The following PCDHA11 variants were observed in gnomAD, a reference collection of about 807,000 sequenced individuals.
PCDHA11 encodes protocadherin alpha 11.
Under a neutral mutation model 70.3 loss-of-function variants are expected in PCDHA11, and 61 were observed. The observed-to-expected ratio is 0.87, with a 90% CI of 0.71 to 1.07. The LOEUF is 1.07. PCDHA11 is among the 50% of genes least tolerant of loss of function. PCDHA11 has a pLI of 0.00. For synonymous variants in PCDHA11, 633 were observed against 555.1 expected, an observed-to-expected ratio of 1.14 and a Z score of -1.97; for missense variants, 1,324 against 1,237.5, an observed-to-expected ratio of 1.07 and a Z score of -1.05.
At position 140,870,724 on chromosome 5, in the gene PCDHA11, G is replaced by T. The variant is rs140203389; in HGVS notation, c.1621G>T (p.Val541Leu). 8.1e-4 allele frequency: 1,312 copies of T among 1,613,160 alleles called. 10 individuals carry two copies. In the African/African-American group the frequency reaches 0.014, roughly 18 times the overall value. Residue 541 changes from valine (V) to leucine (L), a missense_variant, in exon 1 of 4, where the codon GTG becomes TTG. Coordinates refer to ENST00000398640, the MANE Select transcript of PCDHA11 (RefSeq NM_018902.5). ...QFQVSARDAG[V>L]PPLSSNVTLQ... ...CCAGGTGAGCGCGCGCGATGCGGGC[G>T]TGCCGCCTCTGAGCAGCAACGTGAC...
chr5:140,989,197 C>T (rs2097332742), intron 3 of PCDHA11, among the ~76,000 whole-genome samples: 1 of 152,206 alleles, frequency 6.6e-6, no homozygotes, highest in Admixed American at 6.5e-5. Context: ...ACCCTCCCTT[C>T]TAGCTTTCTT....
chr5:140,966,575 A>C (rs2096022921), intron 1 of PCDHA11: 1 of 520,380 alleles, frequency 1.9e-6, no homozygotes, highest in Non-Finnish European at 3.2e-6. Context: ...ATGGGGAGTC[A>C]GCGAGGACGG....
At chr5:140,948,784 T>C (rs1486580473) in intron 1 of PCDHA11, among the ~76,000 whole-genome samples, 6 of 151,646 alleles carry the variant, frequency 4.0e-5, no homozygotes, top group African/African-American at 1.4e-4. Flanking sequence ...CTTTTGGCTT[T>C]GTTGATATAT....
At chr5:140,946,474 A>G (rs2093947876) in intron 1 of PCDHA11, among the ~76,000 whole-genome samples, 1 of 151,798 alleles carries the variant, frequency 6.6e-6, no homozygotes, top group Non-Finnish European at 1.5e-5. Context: ...ACTACTGGGT[A>G]TATATCCAAA....
At position 140,877,565 on chromosome 5, in the gene PCDHA11, T is replaced by C; in HGVS notation, c.2391+6071T>C. On this transcript the variant is annotated intron_variant, in intron 1 of 3. Coordinates refer to ENST00000398640, the MANE Select transcript of PCDHA11 (RefSeq NM_018902.5). ...GAAGCGGCTCTGGTGGATATTAACG[T>C]GTACCTCATCATCGCCATCTGTGCG... 1 of 1,613,742 alleles carries C rather than the reference T, an allele frequency of 6.2e-7. No homozygotes were observed. The highest frequency in any genetic ancestry group is 1.7e-5 in the Admixed American group (1 of 60,024).
intron 1 of PCDHA11, chr5:140,966,570 G>A: frequency 2.0e-6 from 1 of 501,774 alleles, no homozygotes; most frequent in Non-Finnish European, 3.3e-6. Context: ...GGAATATGGG[G>A]AGTCAGCGAG....
chr5:140,999,801 G>T (rs1271249129), intron 3 of PCDHA11, among the ~76,000 whole-genome samples: 1 of 152,112 alleles, frequency 6.6e-6, no homozygotes, highest in Admixed American at 6.5e-5. Flanking sequence ...GTTATTTTGG[G>T]CACAAAGCAA....
chr5:140,886,558 T>G (rs535461538), intron 1 of PCDHA11, among the ~76,000 whole-genome samples: 1 of 152,202 alleles, frequency 6.6e-6, no homozygotes, highest in South Asian at 2.1e-4. Flanking sequence ...CTGGGCACGG[T>G]GGCTCACGCC....
intron 3 of PCDHA11, among the ~76,000 whole-genome samples, chr5:140,985,169 C>G (rs1169892350): frequency 6.6e-6 from 1 of 152,122 alleles, no homozygotes; most frequent in Non-Finnish European, 1.5e-5. Flanking sequence ...AATCTCCTGA[C>G]CTCGTAATCC....
chr5:140,982,089 C>A (rs2096965506), intron 2 of PCDHA11, among the ~76,000 whole-genome samples: 1 of 152,220 alleles, frequency 6.6e-6, no homozygotes, highest in Non-Finnish European at 1.5e-5. Context: ...AACCTAGGAA[C>A]AAGAGAACCT....
At chr5:140,916,760 G>A (rs1387005871) in intron 1 of PCDHA11, among the ~76,000 whole-genome samples, 1 of 152,180 alleles carries the variant, frequency 6.6e-6, no homozygotes, top group Non-Finnish European at 1.5e-5. Context: ...ATTAGGGGAG[G>A]GGTGGCACAA....
At chr5:140,948,665 A>T (rs2094288381) in intron 1 of PCDHA11, among the ~76,000 whole-genome samples, 1 of 151,668 alleles carries the variant, frequency 6.6e-6, no homozygotes. Flanking sequence ...ATCTGTAGTG[A>T]TAACATCTTT....
chr5:140,960,919 A>G (rs542740686), intron 1 of PCDHA11, among the ~76,000 whole-genome samples: 1 of 152,334 alleles, frequency 6.6e-6, no homozygotes, highest in Non-Finnish European at 1.5e-5. Flanking sequence ...CAGATAGAAA[A>G]TTGGTACTAA....
In PCDHA11 at chr5:140,998,188, AG is replaced by A. The variant is rs375338994; in HGVS notation, c.2540-11438del. On this transcript the variant is annotated intron_variant, in intron 3 of 3. Transcript: ENST00000398640. ...CAAGTATTATTCTAAGCACTTTACAAGTATTAACTCCTTTAATCTGTATAAC... is the reference window on the plus strand; with the variant it reads ...CAAGTATTATTCTAAGCACTTTACAATATTAACTCCTTTAATCTGTATAAC... Among the ~76,000 whole-genome samples, 972 of 152,318 alleles carry A rather than the reference AG, an allele frequency of 6.4e-3. 14 individuals are homozygous for A. Among genetic ancestry groups the A allele is most frequent in the African/African-American group, 0.023 (946 of 41,556 alleles).
intron 1 of PCDHA11, among the ~76,000 whole-genome samples, chr5:140,911,760 A>G (rs1295639313): frequency 6.6e-6 from 1 of 151,962 alleles, no homozygotes; most frequent in African/African-American, 2.4e-5. Flanking sequence ...TCTCCATACT[A>G]TTAGAAGTAC....
At position 140,884,402 on chromosome 5, in the gene PCDHA11, G is replaced by T. The variant is rs782512270; in HGVS notation, c.2391+12908G>T. 2.6e-5 allele frequency: 42 copies of T among 1,613,886 alleles called. 1 individual carries two copies. The Middle Eastern group carries it at 1.3e-3, about 51-fold the overall frequency. The stretch of plus-strand genomic sequence containing the variant: ...CATCTGCGCGGTGTCCAGCCTGTTG[G>T]TGCTCACGTTGCTGCTGTATACTGC... On this transcript the variant is annotated intron_variant, in intron 1 of 3. Coordinates refer to ENST00000398640, the MANE Select transcript of PCDHA11 (RefSeq NM_018902.5).
Position 140,870,475 on chromosome 5 carries a change from G to T in PCDHA11, c.1372G>T (p.Glu458Ter). 1.2e-6 allele frequency: 2 copies of T among 1,614,214 alleles called. No homozygotes were observed. Among genetic ancestry groups the T allele is most frequent in the Non-Finnish European group, 1.7e-6 (2 of 1,180,050 alleles). ...CAATGCGCCTGCGTTCGCACAGCCCGAGTACACCGTGTTCGTGAAGGAGAA... is the reference window on the plus strand; with the variant it reads ...CAATGCGCCTGCGTTCGCACAGCCCTAGTACACCGTGTTCGTGAAGGAGAA... The part of the protein sequence containing the change: ...NDNAPAFAQP[E>*]YTVFVKENNP... Residue 458 changes from glutamate to a stop codon, truncating the protein, a stop_gained, in exon 1 of 4, where the codon GAG becomes TAG. Coordinates refer to ENST00000398640, the MANE Select transcript of PCDHA11 (RefSeq NM_018902.5). LOFTEE classifies it high-confidence loss of function.
rs542968986 is a variant in PCDHA11, at chr5:141,005,917, A to T, written c.2540-3710A>T. On this transcript the variant is annotated intron_variant, in intron 3 of 3. Transcript: ENST00000398640. ...AGCAATGATTGCACCACTGCACTTCAGCCTGGTTGACAGAGTGAGAACCTA... is the reference window on the plus strand; with the variant it reads ...AGCAATGATTGCACCACTGCACTTCTGCCTGGTTGACAGAGTGAGAACCTA... Among the ~76,000 whole-genome samples the T allele has an allele frequency of 4.5e-4, 69 of 152,156 alleles. No homozygotes were observed. In the South Asian group the frequency reaches 0.013, roughly 28 times the overall value.
intron 1 of PCDHA11, among the ~76,000 whole-genome samples, chr5:140,950,807 A>G (rs2094520743): frequency 6.6e-6 from 1 of 152,104 alleles, no homozygotes; most frequent in African/African-American, 2.4e-5. Context: ...TGGTTTTACC[A>G]TAGTAGGGTT....
Sources: allele counts gnomAD v4.1 joint callset (sites outside exome capture counted in the v4.1 genomes callset), GRCh38; gene constraint gnomAD v4.1.1; transcripts MANE v1.5; gene names NCBI Gene and HGNC (gene_info 2026-07-23, HGNC 2026-07-21).